TMTC4: variants seen among roughly 807,000 people sequenced by gnomAD.
The protein encoded by TMTC4 is protein O-mannosyl-transferase TMTC4.
A neutral mutation model predicts 86.0 loss-of-function variants in TMTC4; 65 were observed. That is an observed-to-expected ratio of 0.76 (90% CI 0.62 to 0.93). The LOEUF is 0.93. TMTC4 is among the 40% of genes least tolerant of loss of function. The pLI, the probability that TMTC4 is intolerant of heterozygous loss-of-function variation, is 0.00. For missense variants in TMTC4, 866 were observed against 948.1 expected, an observed-to-expected ratio of 0.91 and a Z score of 1.14; for synonymous variants, 379 against 382.5, an observed-to-expected ratio of 0.99 and a Z score of 0.11.
intron 7 of TMTC4, among the ~76,000 whole-genome samples, chr13:100,640,699 A>G (rs533288657): frequency 4.2e-4 from 64 of 151,932 alleles, no homozygotes; most frequent in African/African-American, 1.5e-3. Context: ...ACACACCTAC[A>G]CTATACCAGC....
chr13:100,623,920 C>T, intron 15 of TMTC4: 1 of 491,638 alleles, frequency 2.0e-6, no homozygotes, highest in Non-Finnish European at 4.1e-6. Context: ...TTAGGGTCTT[C>T]CTTGGTGCCT....
At chr13:100,616,359 T>A (rs919982806) in intron 15 of TMTC4, among the ~76,000 whole-genome samples, 3 of 152,096 alleles carry the variant, frequency 2.0e-5, no homozygotes, top group African/African-American at 7.2e-5. Context: ...CCCACCACCA[T>A]GCCCAGCTAA....
chr13:100,664,222 TG>T lies in TMTC4; in HGVS notation c.333del (p.Phe111LeufsTer118). On this transcript the variant is annotated frameshift_variant and splice_region_variant, in exon 4 of 19. Coordinates refer to ENST00000342624, the MANE Select transcript of TMTC4 (RefSeq NM_032813.5). LOFTEE classifies it high-confidence loss of function. The part of the protein sequence containing the change: ...KSYRPLTVLT[F>X]RINYYLSGGF... ...AGGCCCTTCAATGTCACAGCTTACC[TG>T]AAAGTCAGGACGGTGAGAGGCCGGT... 1 of 1,607,380 alleles carries T rather than the reference TG, an allele frequency of 6.2e-7. No individual in the cohort carries two copies. Among genetic ancestry groups the T allele is most frequent in the African/African-American group, 1.3e-5 (1 of 74,764 alleles).
At chr13:100,655,584 G>A (rs1885007595) in intron 6 of TMTC4, among the ~76,000 whole-genome samples, 2 of 152,184 alleles carry the variant, frequency 1.3e-5, no homozygotes, top group Non-Finnish European at 2.9e-5. Flanking sequence ...TCTCTTGGGA[G>A]ATTTGTAATC....
At chr13:100,658,330 T>G in intron 5 of TMTC4, among the ~76,000 whole-genome samples, 1 of 149,658 alleles carries the variant, frequency 6.7e-6, no homozygotes, top group Non-Finnish European at 1.5e-5. Flanking sequence ...CAGCCCCGGG[T>G]GAGTGAGGAG....
intron 15 of TMTC4, chr13:100,624,359 A>AAAT (rs1566579131): frequency 1.3e-5 from 2 of 151,072 alleles, no homozygotes; most frequent in Admixed American, 1.3e-4. Flanking sequence ...AAAAATAAAA[A>AAAT]AAAAATAAAA....
chr13:100,638,569 T>C (rs1329467937), intron 7 of TMTC4: 1 of 152,290 alleles, frequency 6.6e-6, no homozygotes, highest in Non-Finnish European at 1.5e-5. Flanking sequence ...AGTTGTCCAG[T>C]AGTTTTCTCG....
At chr13:100,644,556 TG>T (rs1418978125) in intron 6 of TMTC4, among the ~76,000 whole-genome samples, 1 of 152,182 alleles carries the variant, frequency 6.6e-6, no homozygotes, top group African/African-American at 2.4e-5. Context: ...GCTATACAGC[TG>T]GGCTGCTAGG....
chr13:100,642,780 G>A (rs1023171455), intron 6 of TMTC4, among the ~76,000 whole-genome samples: 2 of 152,214 alleles, frequency 1.3e-5, no homozygotes, highest in African/African-American at 2.4e-5. Context: ...TGGAATAGGA[G>A]TTTGGGCCCT....
chr13:100,624,786 TAAC>T (rs1880190211), intron 15 of TMTC4: 1 of 152,224 alleles, frequency 6.6e-6, no homozygotes. Flanking sequence ...ATTTTTTAAT[TAAC>T]AATGTTTATT....
intron 15 of TMTC4, among the ~76,000 whole-genome samples, chr13:100,617,126 G>A (rs972454373): frequency 6.7e-5 from 9 of 133,416 alleles, no homozygotes; most frequent in South Asian, 2.5e-4. Flanking sequence ...TTTCTTCTAG[G>A]ATTTTTTTTT....
intron 17 of TMTC4, among the ~76,000 whole-genome samples, chr13:100,611,255 G>A (rs1877522509): frequency 6.6e-6 from 1 of 152,210 alleles, no homozygotes; most frequent in Non-Finnish European, 1.5e-5. Flanking sequence ...CACTGCTTCT[G>A]TGATATCTGT....
chr13:100,623,639 G>GTTT (rs1566577567), intron 15 of TMTC4, among the ~76,000 whole-genome samples: 1 of 101,888 alleles, frequency 9.8e-6, no homozygotes, highest in Non-Finnish European at 2.1e-5. Context: ...CTACTAGTTG[G>GTTT]GTTTTGTTTT....
intron 16 of TMTC4, among the ~76,000 whole-genome samples, chr13:100,614,049 G>A (rs1233470878): frequency 2.6e-5 from 4 of 151,728 alleles, no homozygotes; most frequent in African/African-American, 9.7e-5. Flanking sequence ...ATGTTGGTCA[G>A]GCTGGTCTCG....
At chr13:100,632,354 G>A (rs541865470) in intron 12 of TMTC4, among the ~76,000 whole-genome samples, 4 of 152,082 alleles carry the variant, frequency 2.6e-5, no homozygotes, top group Non-Finnish European at 5.9e-5. Flanking sequence ...AAAATAATAC[G>A]CTGTCTCTCT....
intron 17 of TMTC4, among the ~76,000 whole-genome samples, chr13:100,611,442 G>A (rs865834239): frequency 3.3e-5 from 5 of 152,132 alleles, no homozygotes; most frequent in Non-Finnish European, 7.3e-5. Context: ...AACATTAGCC[G>A]GGCGTGGTGG....
At chr13:100,668,510 A>G in intron 3 of TMTC4, 69 bp downstream of exon 3, 1 of 1,474,070 alleles carries the variant, frequency 6.8e-7, no homozygotes, top group Non-Finnish European at 9.4e-7. Context: ...ACAATGCAAC[A>G]CATACTTAGA....
At chr13:100,646,198 G>C (rs913922930) in intron 6 of TMTC4, among the ~76,000 whole-genome samples, 1 of 152,178 alleles carries the variant, frequency 6.6e-6, no homozygotes, top group Non-Finnish European at 1.5e-5. Context: ...GCACCCTCTT[G>C]AGAGTAAGCC....
At chr13:100,612,616 GAATA>G (rs913767178) in intron 16 of TMTC4, 106 bp from the exon 17 acceptor site, 1 of 625,390 alleles carries the variant, frequency 1.6e-6, no homozygotes, top group African/African-American at 2.0e-5. Context: ...TGACAATTAT[GAATA>G]AACTACTTAA....
Sources: allele counts gnomAD v4.1 joint callset (sites outside exome capture counted in the v4.1 genomes callset), GRCh38; gene constraint gnomAD v4.1.1; transcripts MANE v1.5; gene names NCBI Gene and HGNC (gene_info 2026-07-23, HGNC 2026-07-21).